The following FAR1 variants were observed in gnomAD, a reference collection of about 807,000 sequenced individuals.
FAR1 encodes fatty acyl-CoA reductase 1, also known as male sterility domain-containing protein 2.
A neutral mutation model predicts 61.1 loss-of-function variants in FAR1; 22 were observed. The ratio of observed to expected loss-of-function variants is 0.36; its 90% CI spans 0.26 to 0.51. The LOEUF (loss-of-function observed/expected upper bound fraction) is 0.51, where lower values mean the gene tolerates loss of function less well. FAR1 is among the 20% of genes least tolerant of loss of function. FAR1 has a pLI of 0.95. For missense variants in FAR1, 359 were observed against 626.9 expected, an observed-to-expected ratio of 0.57 and a Z score of 4.56; for synonymous variants, 206 against 209.7, an observed-to-expected ratio of 0.98 and a Z score of 0.15.
chr11:13,716,006 G>A (rs1265285917), intron 9 of FAR1, among the ~76,000 whole-genome samples: 2 of 152,208 alleles, frequency 1.3e-5, no homozygotes, highest in African/African-American at 4.8e-5. Context: ...ATTGAAATAT[G>A]TGAGAGGTGT....
At chr11:13,693,963 T>C (rs1848282638) in intron 1 of FAR1, among the ~76,000 whole-genome samples, 1 of 152,196 alleles carries the variant, frequency 6.6e-6, no homozygotes, top group African/African-American at 2.4e-5. Flanking sequence ...TCTGGTTGTA[T>C]TGCACTCCCT....
chr11:13,672,802 A>G (rs745769424), intron 1 of FAR1, among the ~76,000 whole-genome samples: 2 of 152,330 alleles, frequency 1.3e-5, no homozygotes, highest in East Asian at 1.9e-4. Context: ...TGAAGGATCA[A>G]GTTACTAACC....
At position 13,721,657 on chromosome 11, in the gene FAR1, G is replaced by C; in HGVS notation, c.1128-73G>C. 7.8e-7 allele frequency: 1 copy of C among 1,288,474 alleles called. No individual in the cohort carries two copies. The highest frequency in any genetic ancestry group is 1.1e-6 in the Non-Finnish European group (1 of 920,454). 79.8% of individuals were successfully genotyped at this position (1,288,474 alleles called of 1,614,324 possible). On this transcript the variant is annotated intron_variant, in intron 9 of 11. Transcript: ENST00000354817. This position sits in a 1 kb window ranked among gnomAD's most constrained non-coding sequence, Gnocchi z 4.2. ...ATGTCTATATTATAGGGGGAAACTT[G>C]CACCCTGGGTGGTGATAGGATTTTT...
At chr11:13,669,577 T>G (rs1447454334) in intron 1 of FAR1, 1 of 152,216 alleles carries the variant, frequency 6.6e-6, no homozygotes, top group Non-Finnish European at 1.5e-5. Context: ...CTGTGAATCT[T>G]TTATGAGTAG....
In FAR1 at chr11:13,677,056, A is replaced by G. The variant is rs146255909; in HGVS notation, c.-8+8250A>G. Among the ~76,000 whole-genome samples the G allele has an allele frequency of 8.5e-3, 1,293 of 152,236 alleles. 10 individuals are homozygous for G. Among genetic ancestry groups the G allele is most frequent in the Middle Eastern group, 0.02 (6 of 294 alleles). The stretch of plus-strand genomic sequence containing the variant: ...TCATTACCTGATTTTTGGTAAGTCT[A>G]TTGTGCTTATTTATTTTGTTTGTCT... On this transcript the variant is annotated intron_variant, in intron 1 of 11. Transcript: ENST00000354817.
chr11:13,693,044 CT>C (rs1429649169), intron 1 of FAR1, among the ~76,000 whole-genome samples: 1 of 152,094 alleles, frequency 6.6e-6, no homozygotes, highest in African/African-American at 2.4e-5. Flanking sequence ...CTCAAAAGAG[CT>C]TTTCCACAGA....
At chr11:13,669,392 G>C (rs1477790303) in intron 1 of FAR1, 1 of 152,732 alleles carries the variant, frequency 6.5e-6, no homozygotes, top group African/African-American at 2.4e-5. Flanking sequence ...GGTCTCTGGA[G>C]AACTGGGGAC....
chr11:13,695,617 A>G (rs904576520), intron 2 of FAR1, among the ~76,000 whole-genome samples: 4 of 152,196 alleles, frequency 2.6e-5, no homozygotes, highest in East Asian at 1.9e-4. Flanking sequence ...CACATAAGGA[A>G]TCTGACTGCA....
intron 3 of FAR1, among the ~76,000 whole-genome samples, chr11:13,703,057 A>G (rs1281577193): frequency 1.3e-5 from 2 of 152,238 alleles, no homozygotes; most frequent in African/African-American, 4.8e-5. Flanking sequence ...ATTTCTGGGA[A>G]GCAATTTTAA....
At chr11:13,671,718 C>T (rs980159749) in intron 1 of FAR1, among the ~76,000 whole-genome samples, 4 of 152,164 alleles carry the variant, frequency 2.6e-5, no homozygotes, top group Non-Finnish European at 1.5e-5. Context: ...AGATAAGACT[C>T]AGAGAGATAT....
intron 1 of FAR1, among the ~76,000 whole-genome samples, chr11:13,684,408 T>A (rs936039780): frequency 6.6e-6 from 1 of 152,196 alleles, no homozygotes; most frequent in African/African-American, 2.4e-5. Context: ...ACCATAGAAG[T>A]AAAGGGAAGA....
intron 1 of FAR1, among the ~76,000 whole-genome samples, chr11:13,671,550 C>G (rs767061545): frequency 1.7e-4 from 26 of 152,112 alleles, no homozygotes; most frequent in Non-Finnish European, 2.9e-4. Flanking sequence ...GTTTAACAGT[C>G]AACCATATAT....
At chr11:13,691,463 A>G (rs927758084) in intron 1 of FAR1, among the ~76,000 whole-genome samples, 4 of 152,200 alleles carry the variant, frequency 2.6e-5, no homozygotes, top group South Asian at 2.1e-4. Context: ...TGCCACCTCT[A>G]TCTAGTTCCA....
chr11:13,710,747 A>T lies in FAR1; in HGVS notation c.600A>T (p.Arg200Ser), dbSNP rs1304439877. 6.2e-7 allele frequency: 1 copy of T among 1,611,020 alleles called. No individual in the cohort carries two copies. Among genetic ancestry groups the T allele is most frequent in the Admixed American group, 1.7e-5 (1 of 59,094 alleles). Residue 200 changes from arginine to serine, a missense_variant, in exon 5 of 12, where the codon AGA (arginine) becomes AGT (serine). This residue lies in a region of FAR1 where 344 missense variants were observed against 570.3 expected (regional missense o/e 0.60). Coordinates refer to ENST00000354817, the MANE Select transcript of FAR1 (RefSeq NM_032228.6). The part of the protein sequence containing the change: ...NDITPKLIGD[R>S]PNTYIYTKAL... ...TCACGCCAAAATTGATAGGAGACAG[A>T]CCTAATACATACATATACACAAAAG... is the stretch of plus-strand genomic sequence containing the variant.
intron 1 of FAR1, among the ~76,000 whole-genome samples, chr11:13,674,087 G>A (rs576103909): frequency 1.1e-4 from 17 of 152,132 alleles, no homozygotes; most frequent in South Asian, 8.3e-4. Context: ...CGAGGTGGGC[G>A]GATCATGAGG....
intron 9 of FAR1, among the ~76,000 whole-genome samples, chr11:13,718,758 T>C (rs1413656464): frequency 6.6e-6 from 1 of 152,138 alleles, no homozygotes; most frequent in Non-Finnish European, 1.5e-5. Flanking sequence ...TGGTAATGGC[T>C]CAGGATCTTT....
intron 1 of FAR1, chr11:13,670,208 AG>A (rs999435538): frequency 2.6e-5 from 4 of 152,192 alleles, no homozygotes; most frequent in Non-Finnish European, 1.5e-5. Context: ...TTGGGATTAC[AG>A]GGGTGAGCCA....
chr11:13,713,130 C>A, intron 8 of FAR1, 97 bp downstream of exon 8: 3 of 978,410 alleles, frequency 3.1e-6, no homozygotes, highest in South Asian at 1.3e-5. Flanking sequence ...GCATTAAGGC[C>A]ACTGAGTTAC....
rs545959380 is a variant in FAR1, at chr11:13,729,964, G to A, written c.*1190G>A. 3 of 152,478 alleles carry A rather than the reference G, an allele frequency of 2.0e-5. No homozygotes were observed. Among genetic ancestry groups the A allele is most frequent in the Admixed American group, 2.0e-4 (3 of 15,252 alleles). The allele number at this position is 152,478 out of a possible 1,614,324, so 9.4% of individuals were successfully genotyped here. A position where few individuals can be genotyped will look rare whatever the true frequency, so the allele number is the denominator to read the frequency against. On this transcript the variant is annotated 3_prime_UTR_variant, in exon 12 of 12. Transcript: ENST00000354817. ...CTTATTTTTTATGCATGTGATTTTA[G>A]CTTTAGAAAGAAATGCGTTATAGAA...
Sources: gnomAD v4.1 joint callset for allele counts (sites outside exome capture counted in the v4.1 genomes callset) on GRCh38, gnomAD v4.1.1 for gene constraint, gnomAD v4.1.1 regional missense constraint, Gnocchi (gnomAD v3.1) non-coding constraint, MANE v1.5 for transcripts, NCBI Gene and HGNC (gene_info 2026-07-23, HGNC 2026-07-21) for gene names.